The following ZNF341 variants were observed in gnomAD, a reference collection of about 807,000 sequenced individuals.
The protein encoded by ZNF341 is zinc finger protein 341.
A neutral mutation model predicts 87.7 loss-of-function variants in ZNF341; 52 were observed. That is an observed-to-expected ratio of 0.59 (90% CI 0.47 to 0.75). ZNF341 has a LOEUF of 0.75. Ranked by LOEUF, ZNF341 falls within the 30% of genes least tolerant of loss-of-function variation. ZNF341 has a pLI of 0.00. For synonymous variants in ZNF341, 459 were observed against 472.7 expected (o/e 0.97, Z 0.38); for missense variants, 977 against 1,145.9 (o/e 0.85, Z 2.13).
At chr20:33,744,264 C>T (rs901538854) in intron 2 of ZNF341, among the ~76,000 whole-genome samples, 8 of 143,802 alleles carry the variant, frequency 5.6e-5, no homozygotes, top group Admixed American at 4.3e-4. Context: ...GCCTGGGCAG[C>T]AAGAGTGAAA....
At chr20:33,743,969 T>C (rs567040379) in intron 2 of ZNF341, among the ~76,000 whole-genome samples, 22 of 152,334 alleles carry the variant, frequency 1.4e-4, no homozygotes, top group Non-Finnish European at 3.2e-4. Flanking sequence ...GAAGGAACTA[T>C]AGCCGCTGGC....
At position 33,732,191 on chromosome 20, in the gene ZNF341, G is replaced by T; in HGVS notation, c.31+139G>T. 1 of 640,346 alleles carries T rather than the reference G, an allele frequency of 1.6e-6. No homozygotes were observed. Among genetic ancestry groups the T allele is most frequent in the South Asian group, 6.6e-5 (1 of 15,094 alleles). 39.7% of individuals were successfully genotyped at this position (640,346 alleles called of 1,614,324 possible). ...GGCTGGAACAGCCGCGGGGCGGGAG[G>T]GGCGCGGGCGGGAACAGCGCGGGAG... On this transcript the variant is annotated intron_variant, in intron 1 of 14. Transcript: ENST00000375200. This position sits in a 1 kb window ranked among gnomAD's most constrained non-coding sequence, Gnocchi z 4.5.
In ZNF341 at chr20:33,750,034, G is replaced by A. The variant is rs137949424; in HGVS notation, c.489+962G>A. On this transcript the variant is annotated intron_variant, in intron 4 of 14. Transcript: ENST00000375200. ...CAAAGTGCTGGGATCACAGGTGTGC[G>A]CCACCGCGCCCAGCCTTGTTTTTAT... Among the ~76,000 whole-genome samples the A allele has an allele frequency of 2.6e-5, 4 of 152,318 alleles. No homozygotes were observed. In the East Asian group the frequency reaches 5.8e-4, roughly 22 times the overall value.
At chr20:33,783,069 G>A (rs1203288986) in intron 11 of ZNF341, among the ~76,000 whole-genome samples, 3 of 152,012 alleles carry the variant, frequency 2.0e-5, no homozygotes, top group East Asian at 1.9e-4. Context: ...CAGGAGAATC[G>A]CTTGAACCTG....
rs531666827 is a variant in ZNF341, at chr20:33,758,037, C to T, written c.938-679C>T. Among the ~76,000 whole-genome samples the T allele has an allele frequency of 2.0e-5, 3 of 152,278 alleles. No individual in the cohort carries two copies. In the South Asian group the frequency reaches 6.2e-4, roughly 32 times the overall value. ...AGTCAACTACTCCTCCCCTTCCTTC[C>T]TTCCACAATGATGTATTGAGCATCT... is the stretch of plus-strand genomic sequence containing the variant. On this transcript the variant is annotated intron_variant, in intron 6 of 14. Transcript: ENST00000375200.
chr20:33,749,019 T>G lies in ZNF341; in HGVS notation c.436T>G (p.Ser146Ala). 6.2e-7 allele frequency: 1 copy of G among 1,614,206 alleles called. No individual in the cohort carries two copies. The highest frequency in any genetic ancestry group is 1.1e-5 in the South Asian group (1 of 91,076). The change falls in exon 4 of 15, where the codon TCA becomes GCA. Residue 146 changes from serine (S) to alanine (A), a missense_variant. Transcript: ENST00000375200. ...VSDDVLMSAMSAFTSLDQPMP... is the reference protein window; with the variant it reads ...VSDDVLMSAMAAFTSLDQPMP... ...CGATGATGTGCTCATGTCTGCCATGTCAGCCTTCACATCCCTGGACCAGCC... is the reference window on the plus strand; with the variant it reads ...CGATGATGTGCTCATGTCTGCCATGGCAGCCTTCACATCCCTGGACCAGCC...
intron 2 of ZNF341, among the ~76,000 whole-genome samples, chr20:33,743,122 C>T (rs1254711279): frequency 1.3e-5 from 2 of 150,904 alleles, no homozygotes; most frequent in Non-Finnish European, 2.9e-5. Flanking sequence ...ACCTCTGTCT[C>T]CTGGGTTCAA....
rs2018573248 is a variant in ZNF341 at position 33,732,050 on chromosome 20, A to C, written c.29A>C (p.Glu10Ala). The change falls in exon 1 of 15, where the codon GAG becomes GCG. Residue 10 changes from glutamate to alanine, a missense_variant and splice_region_variant. Glu to Ala is a moderately radical substitution (Grantham distance 107). Transcript: ENST00000375200. The surrounding 1 kb of genome is among the most constrained non-coding windows in gnomAD (Gnocchi z 4.5). MAQAIFEAL[E>A]GMDNQTVLAV... ...GCGCAGGCGATCTTTGAGGCCCTGG[A>C]GGGTGAGCGGCGGCGGGGCCGGCGG... 1 of 1,303,122 alleles carries C rather than the reference A, an allele frequency of 7.7e-7. No individual in the cohort carries two copies. Among genetic ancestry groups the C allele is most frequent in the Admixed American group, 4.0e-5 (1 of 24,776 alleles). 80.7% of individuals were successfully genotyped at this position (1,303,122 alleles called of 1,614,324 possible). A position where few individuals can be genotyped will look rare whatever the true frequency, so the allele number is the denominator to read the frequency against.
intron 2 of ZNF341, among the ~76,000 whole-genome samples, chr20:33,744,289 GAA>G (rs1184218765): frequency 1.0e-5 from 1 of 95,488 alleles, no homozygotes. Flanking sequence ...CTCTCAGAAA[GAA>G]AAAAAAAAAA....
At chr20:33,738,558 G>A (rs768456930) in intron 1 of ZNF341, among the ~76,000 whole-genome samples, 1 of 152,172 alleles carries the variant, frequency 6.6e-6, no homozygotes, top group Non-Finnish European at 1.5e-5. Flanking sequence ...CAAGATGGGG[G>A]TTCGTTAGGT....
intron 3 of ZNF341, 30 bp from the exon 4 acceptor site, chr20:33,748,893 C>T: frequency 6.3e-7 from 1 of 1,591,954 alleles, no homozygotes; most frequent in Non-Finnish European, 8.6e-7. Flanking sequence ...CTCTCTCCGT[C>T]TCACTCATTC....
intron 14 of ZNF341, among the ~76,000 whole-genome samples, chr20:33,790,301 G>A (rs1465079762): frequency 6.6e-6 from 1 of 152,102 alleles, no homozygotes; most frequent in African/African-American, 2.4e-5. Context: ...TCGAACTCCT[G>A]ACCTCAAGTG....
intron 3 of ZNF341, among the ~76,000 whole-genome samples, chr20:33,748,409 C>G (rs1376860997): frequency 6.6e-6 from 1 of 152,098 alleles, no homozygotes. Flanking sequence ...AGGGTATGTA[C>G]TTTGCAGAGG....
chr20:33,780,562 C>G (rs943387929), intron 10 of ZNF341, among the ~76,000 whole-genome samples: 11 of 152,034 alleles, frequency 7.2e-5, no homozygotes, highest in Non-Finnish European at 1.3e-4. Flanking sequence ...TCCACGCTAC[C>G]ACGCCTGGCT....
chr20:33,781,188 A>G, intron 10 of ZNF341, 103 bp from the exon 11 acceptor site: 1 of 800,636 alleles, frequency 1.2e-6, no homozygotes, highest in Non-Finnish European at 2.2e-6. Flanking sequence ...GAATGAATTA[A>G]CTGTAGGATG....
At chr20:33,770,043 C>T (rs1256233169) in intron 9 of ZNF341, 41 bp from the exon 10 acceptor site, 2 of 1,461,394 alleles carry the variant, frequency 1.4e-6, no homozygotes, top group East Asian at 4.6e-5. Flanking sequence ...GTGGAGGAAG[C>T]TCTCCTGCCT....
In ZNF341 at chr20:33,732,333, G is replaced by A. The variant is rs1186017770; in HGVS notation, c.31+281G>A. 1.3e-5 allele frequency among the ~76,000 whole-genome samples: 2 copies of A among 151,202 alleles called. No individual in the cohort carries two copies. The highest frequency in any genetic ancestry group is 4.9e-5 in the African/African-American group (2 of 41,192). On this transcript the variant is annotated intron_variant, in intron 1 of 14. Coordinates refer to ENST00000375200, the MANE Select transcript of ZNF341 (RefSeq NM_001282933.2). This position sits in a 1 kb window ranked among gnomAD's most constrained non-coding sequence, Gnocchi z 4.5. Reference sequence around the variant, plus strand: ...GGGCGGCCTTGGGCGGGCGCGGGAGGGGCTCCCTGCAGGGAACTGCGCGGG... The same window carrying A: ...GGGCGGCCTTGGGCGGGCGCGGGAGAGGCTCCCTGCAGGGAACTGCGCGGG...
chr20:33,784,836 G>A (rs1216830343), intron 12 of ZNF341, among the ~76,000 whole-genome samples: 5 of 151,928 alleles, frequency 3.3e-5, no homozygotes, highest in Non-Finnish European at 5.9e-5. Flanking sequence ...GGCTGGTTTC[G>A]AACTCCTGAC....
At position 33,758,752 on chromosome 20, in the gene ZNF341, C is replaced by A; in HGVS notation, c.974C>A (p.Ser325Ter). Residue 325 changes from serine to a stop codon, truncating the protein, a stop_gained, in exon 7 of 15, where the codon TCA becomes TAA. Coordinates refer to ENST00000375200, the MANE Select transcript of ZNF341 (RefSeq NM_001282933.2). LOFTEE classifies it high-confidence loss of function. ...GKPKAQKLKC[S>*]YCDKSFTKNF... ...CCAAAGGCTCAGAAACTCAAGTGCT[C>A]ATACTGTGACAAGTCATTCACCAAA... The A allele has an allele frequency of 6.2e-7, 1 of 1,613,934 alleles. No individual in the cohort carries two copies. The highest frequency in any genetic ancestry group is 1.1e-5 in the South Asian group (1 of 90,994).
Sources: allele counts gnomAD v4.1 joint callset (sites outside exome capture counted in the v4.1 genomes callset), GRCh38; gene constraint gnomAD v4.1.1; non-coding constraint Gnocchi (gnomAD v3.1); transcripts MANE v1.5; gene names NCBI Gene and HGNC (gene_info 2026-07-23, HGNC 2026-07-21).